SAMD3: variants seen among roughly 807,000 people sequenced by gnomAD.
SAMD3 encodes the protein sterile alpha motif domain-containing protein 3.
In SAMD3, 63 loss-of-function variants were observed where a neutral mutation model predicts 58.5. That is an observed-to-expected ratio of 1.08 (90% CI 0.88 to 1.33). The LOEUF is 1.33. SAMD3 is among the 40% of genes most tolerant of loss of function. The probability of loss-of-function intolerance (pLI) is 0.00; values close to 1 mark genes in which losing one functional copy is unlikely to be tolerated. For synonymous variants in SAMD3, 220 were observed against 210.3 expected, an observed-to-expected ratio of 1.05 and a Z score of -0.40; for missense variants, 604 against 608.4, an observed-to-expected ratio of 0.99 and a Z score of 0.08.
At chr6:130,164,731 T>C (rs1443027503) in intron 8 of SAMD3, among the ~76,000 whole-genome samples, 2 of 151,806 alleles carry the variant, frequency 1.3e-5, no homozygotes, top group Non-Finnish European at 2.9e-5. Context: ...ATGTTGTCAG[T>C]TGTCACTAAA....
chr6:130,297,559 A>G (rs1320302288), intron 2 of SAMD3, among the ~76,000 whole-genome samples: 1 of 152,210 alleles, frequency 6.6e-6, no homozygotes, highest in Admixed American at 6.5e-5. Flanking sequence ...TTGAAATGAC[A>G]GAAAAAGAAT....
chr6:130,354,959 T>C (rs1369122200), intron 1 of SAMD3, among the ~76,000 whole-genome samples: 16 of 152,136 alleles, frequency 1.1e-4, no homozygotes, highest in Admixed American at 1.0e-3. Context: ...AGAGCCACAC[T>C]CCCCTTGGGA....
At chr6:130,320,356 C>G (rs1490328104) in intron 1 of SAMD3, among the ~76,000 whole-genome samples, 1 of 152,078 alleles carries the variant, frequency 6.6e-6, no homozygotes, top group African/African-American at 2.4e-5. Flanking sequence ...AAAAGAATGT[C>G]ACTATGCACG....
intron 1 of SAMD3, among the ~76,000 whole-genome samples, chr6:130,347,685 T>C (rs550463877): frequency 6.6e-6 from 1 of 152,228 alleles, no homozygotes; most frequent in South Asian, 2.1e-4. Flanking sequence ...TTCCCCAATC[T>C]AGTAAGGCAG....
intron 1 of SAMD3, among the ~76,000 whole-genome samples, chr6:130,358,017 G>C (rs1034889997): frequency 6.6e-6 from 1 of 152,220 alleles, no homozygotes; most frequent in Non-Finnish European, 1.5e-5. Context: ...CTAGTGAGTA[G>C]AGTTAATTTC....
chr6:130,250,769 C>T (rs1773711665), intron 2 of SAMD3, among the ~76,000 whole-genome samples: 2 of 152,180 alleles, frequency 1.3e-5, no homozygotes, highest in African/African-American at 4.8e-5. Flanking sequence ...TGGATAAGTA[C>T]TTCATTCTTT....
At chr6:130,197,832 G>A (rs1794283427) in intron 5 of SAMD3, among the ~76,000 whole-genome samples, 1 of 152,078 alleles carries the variant, frequency 6.6e-6, no homozygotes, top group Admixed American at 6.5e-5. Context: ...TCAGGCCTCT[G>A]AGCCCAAGCT....
At chr6:130,223,960 A>G (rs1176716416), upstream of SAMD3, among the ~76,000 whole-genome samples, 2 of 152,138 alleles carry the variant, frequency 1.3e-5, no homozygotes, top group African/African-American at 4.8e-5. Flanking sequence ...GCCTTAATGT[A>G]CCAGAAAAAT....
chr6:130,316,438 T>G lies in SAMD3; in HGVS notation c.-303-3345A>C, dbSNP rs142146230. On this transcript the variant is annotated intron_variant, in intron 1 of 13. Transcript: ENST00000368134. ...AGAGTGTGCTATAGGTTATTTGTGCTTTTCCAGAAGAACTGAGAAAATGTA... is the reference window on the plus strand; with the variant it reads ...AGAGTGTGCTATAGGTTATTTGTGCGTTTCCAGAAGAACTGAGAAAATGTA... Among the ~76,000 whole-genome samples, 11 of 152,156 alleles carry G rather than the reference T, an allele frequency of 7.2e-5. No individual in the cohort carries two copies. The East Asian group carries it at 1.9e-3, about 27-fold the overall frequency.
chr6:130,151,106 C>T (rs1015633527), intron 9 of SAMD3, among the ~76,000 whole-genome samples: 8 of 151,260 alleles, frequency 5.3e-5, no homozygotes, highest in African/African-American at 1.9e-4. Context: ...CCACTTTCCT[C>T]CAGTGCCTGT....
intron 1 of SAMD3, among the ~76,000 whole-genome samples, chr6:130,313,631 T>G (rs756393208): frequency 6.6e-6 from 1 of 152,214 alleles, no homozygotes; most frequent in Non-Finnish European, 1.5e-5. Context: ...CTGTCCATTT[T>G]CAGCTGTAAA....
chr6:130,292,883 G>A (rs547788624), intron 2 of SAMD3, among the ~76,000 whole-genome samples: 7 of 152,234 alleles, frequency 4.6e-5, no homozygotes, highest in African/African-American at 1.7e-4. Context: ...CTCCCAAAGT[G>A]CTGGGATTAC....
intron 5 of SAMD3, among the ~76,000 whole-genome samples, chr6:130,206,260 A>G (rs183658886): frequency 6.6e-6 from 1 of 152,298 alleles, no homozygotes; most frequent in East Asian, 1.9e-4. Context: ...AGCTGTTTAT[A>G]GGGAGCATTT....
chr6:130,173,959 C>T lies in SAMD3; in HGVS notation c.822+1882G>A, dbSNP rs374138321. Among the ~76,000 whole-genome samples, 22 of 152,298 alleles carry T rather than the reference C, an allele frequency of 1.4e-4. 1 individual carries two copies. Among genetic ancestry groups the T allele is most frequent in the East Asian group, 3.9e-4 (2 of 5,172 alleles). ...CTTTGCTGTGTCCAGCCCAGACCTC[C>T]CAGCTCCTTAGTACTGTCAGGAGAA... On this transcript the variant is annotated intron_variant, in intron 8 of 11. Coordinates refer to ENST00000439090, the MANE Select transcript of SAMD3 (RefSeq NM_001017373.4).
At chr6:130,157,072 AAAATAAATAAATAAATAAAT>A (rs140922244) in intron 8 of SAMD3, among the ~76,000 whole-genome samples, 11 of 143,478 alleles carry the variant, frequency 7.7e-5, no homozygotes, top group African/African-American at 2.0e-4. Context: ...TCCGTCTCAA[AAAATAAATAAATAAATAAAT>A]AAATAAATAA....
At position 130,342,649 on chromosome 6, in the gene SAMD3, T is replaced by A. The variant is rs540452083; in HGVS notation, c.-304+22471A>T. Among the ~76,000 whole-genome samples the A allele has an allele frequency of 6.1e-4, 93 of 152,296 alleles. 1 individual carries two copies. In the Middle Eastern group the frequency reaches 0.027, roughly 45 times the overall value. On this transcript the variant is annotated intron_variant, in intron 1 of 13. Transcript: ENST00000368134. ...ACACCTCTTTTTCTTTAATTATAAC[T>A]AAAACAGTGAGACTCCATTATTAAA...
intron 7 of SAMD3, among the ~76,000 whole-genome samples, chr6:130,178,890 T>G (rs564832503): frequency 1.8e-4 from 27 of 152,308 alleles, no homozygotes; most frequent in African/African-American, 6.5e-4. Flanking sequence ...CAGGTATGCA[T>G]GAGTCAGAGG....
At chr6:130,281,179 T>C (rs888301403) in intron 2 of SAMD3, among the ~76,000 whole-genome samples, 8 of 152,170 alleles carry the variant, frequency 5.3e-5, no homozygotes, top group Non-Finnish European at 8.8e-5. Flanking sequence ...CTATTTTGGA[T>C]TGTGGCTAAT....
At chr6:130,228,900 G>A (rs1223422463) in intron 2 of SAMD3, among the ~76,000 whole-genome samples, 3 of 152,146 alleles carry the variant, frequency 2.0e-5, no homozygotes, top group African/African-American at 7.2e-5. Context: ...GAAGGAATAG[G>A]GCAGTGTGGA....
Sources: gnomAD v4.1 joint callset for allele counts (sites outside exome capture counted in the v4.1 genomes callset) on GRCh38, gnomAD v4.1.1 for gene constraint, MANE v1.5 for transcripts, NCBI Gene and HGNC (gene_info 2026-07-23, HGNC 2026-07-21) for gene names.